Variants in NRDC observed in about 807,000 individuals in gnomAD.
NRDC encodes the protein nardilysin.
Under a neutral mutation model 147.1 loss-of-function variants are expected in NRDC, and 54 were observed. That is an observed-to-expected ratio of 0.37 (90% CI 0.29 to 0.46). NRDC has a LOEUF of 0.46. Ranked by LOEUF, NRDC falls within the 20% of genes least tolerant of loss-of-function variation. NRDC has a pLI of 1.00. For missense variants in NRDC, 1,082 were observed against 1,370.6 expected (o/e 0.79, Z 3.33); for synonymous variants, 440 against 482.1 (o/e 0.91, Z 1.14).
chr1:51,794,939 T>C (rs1678826826), intron 22 of NRDC, 85 bp from the exon 23 acceptor site: 2 of 1,595,736 alleles, frequency 1.3e-6, no homozygotes, highest in Non-Finnish European at 1.7e-6. Context: ...TTCCAATTGC[T>C]TGGGGAGCCC....
Position 51,878,414 on chromosome 1 carries a change from T to C in NRDC, c.202A>G (p.Asn68Asp), listed in dbSNP as rs1254527934. 4 of 1,614,136 alleles carry C rather than the reference T, an allele frequency of 2.5e-6. No individual in the cohort carries two copies. In the Admixed American group the frequency reaches 5.0e-5, roughly 20 times the overall value. The change falls in exon 1 of 31, where the codon AAT becomes GAT. Residue 68 changes from asparagine (N) to aspartate (D), a missense_variant. Asn to Asp is a conservative substitution (Grantham distance 23). Transcript: ENST00000352171. Reference protein sequence around the residue: ...STCSCPDLQPNGQDLGENSRV... With the variant: ...STCSCPDLQPDGQDLGENSRV... ...CTGTTCTCGCCCAGATCCTGTCCAT[T>C]GGGCTGCAGGTCAGGGCAGCTGCAG...
chr1:51,877,330 A>G (rs1683380990), intron 1 of NRDC, among the ~76,000 whole-genome samples: 1 of 152,126 alleles, frequency 6.6e-6, no homozygotes, highest in Admixed American at 6.5e-5. Context: ...AACCTGTTCA[A>G]CGAAGTTATT....
chr1:51,837,352 C>G, intron 2 of NRDC: 1 of 783,326 alleles, frequency 1.3e-6, no homozygotes, highest in East Asian at 3.0e-5. Flanking sequence ...TTCAGAAGAA[C>G]CAAACAGCCT....
In NRDC at chr1:51,850,674, A is replaced by G. The variant is rs572353767; in HGVS notation, c.342-10160T>C. Reference sequence around the variant, plus strand: ...ATAACATCTCAACATCTGTCACTTCAGTTGTTTTTCAGAAACCTGAACTCC... The same window carrying G: ...ATAACATCTCAACATCTGTCACTTCGGTTGTTTTTCAGAAACCTGAACTCC... On this transcript the variant is annotated intron_variant, in intron 1 of 30. Transcript: ENST00000352171. Among the ~76,000 whole-genome samples, 4 of 152,340 alleles carry G rather than the reference A, an allele frequency of 2.6e-5. No individual in the cohort carries two copies. The South Asian group carries it at 8.3e-4, about 32-fold the overall frequency.
chr1:51,801,822 C>G (rs887913694), intron 20 of NRDC, among the ~76,000 whole-genome samples: 2 of 152,020 alleles, frequency 1.3e-5, no homozygotes, highest in Admixed American at 6.5e-5. Flanking sequence ...AGTCTTCGCT[C>G]TATTGCCCAG....
intron 16 of NRDC, 126 bp downstream of exon 16, chr1:51,810,155 T>G: frequency 1.6e-6 from 1 of 617,966 alleles, no homozygotes; most frequent in Non-Finnish European, 2.5e-6. Context: ...GTAATTTTCA[T>G]TTCAAAGTGA....
At chr1:51,859,572 T>C (rs1682427338) in intron 1 of NRDC, among the ~76,000 whole-genome samples, 1 of 152,246 alleles carries the variant, frequency 6.6e-6, no homozygotes, top group African/African-American at 2.4e-5. Context: ...TTCCCATTTC[T>C]GTCTTCTGTC....
At chr1:51,856,571 A>C (rs1682253639) in intron 1 of NRDC, among the ~76,000 whole-genome samples, 3 of 152,158 alleles carry the variant, frequency 2.0e-5, no homozygotes, top group Non-Finnish European at 4.4e-5. Flanking sequence ...AAAGAGATGC[A>C]CAGAGTGAGG....
Position 51,825,328 on chromosome 1 carries a change from C to T in NRDC, c.995G>A (p.Ser332Asn), listed in dbSNP as rs762165088. 1.9e-6 allele frequency: 3 copies of T among 1,598,818 alleles called. No individual in the cohort carries two copies. The highest frequency in any genetic ancestry group is 1.4e-5 in the African/African-American group (1 of 73,924). The change falls in exon 6 of 31, where the codon AGC (serine) becomes AAC (asparagine). Residue 332 changes from serine to asparagine, a missense_variant. Coordinates refer to ENST00000352171, the MANE Select transcript of NRDC (RefSeq NM_001101662.2). ...DANRKEMLFGSLARPGHPMGK... is the reference protein window; with the variant it reads ...DANRKEMLFGNLARPGHPMGK... ...CATAGGATGTCCAGGTCTAGCAAGG[C>T]TTCCAAACAACATTTCCTTTCTGTT...
chr1:51,800,857 C>CT lies in NRDC; in HGVS notation c.2314-175dup. 3 of 619,306 alleles carry CT rather than the reference C, an allele frequency of 4.8e-6. No homozygotes were observed. In the South Asian group the frequency reaches 6.3e-5, roughly 13 times the overall value. 38.4% of individuals were successfully genotyped at this position (619,306 alleles called of 1,614,324 possible). A position where few individuals can be genotyped will look rare whatever the true frequency, so the allele number is the denominator to read the frequency against. ...GTTCGTTTGTTTGTTTGGGTGTTAC[C>CT]TGGAGACAGGATATCACTGGTCACC... On this transcript the variant is annotated intron_variant, in intron 20 of 30. Coordinates refer to ENST00000352171, the MANE Select transcript of NRDC (RefSeq NM_001101662.2).
At chr1:51,864,128 T>C (rs963609495) in intron 1 of NRDC, among the ~76,000 whole-genome samples, 1 of 152,216 alleles carries the variant, frequency 6.6e-6, no homozygotes, top group Non-Finnish European at 1.5e-5. Context: ...TTCTACTGAA[T>C]GCATATCACT....
chr1:51,847,807 G>A (rs1452362336), intron 1 of NRDC, among the ~76,000 whole-genome samples: 7 of 152,228 alleles, frequency 4.6e-5, no homozygotes, highest in East Asian at 3.8e-4. Flanking sequence ...TCCCAGGAAC[G>A]GGCTCCCACA....
At chr1:51,824,425 T>C (rs1485622663) in intron 6 of NRDC, among the ~76,000 whole-genome samples, 1 of 152,030 alleles carries the variant, frequency 6.6e-6, no homozygotes, top group East Asian at 1.9e-4. Flanking sequence ...CGCCCGGCTA[T>C]CTAATTCTTA....
intron 1 of NRDC, among the ~76,000 whole-genome samples, chr1:51,849,747 C>A (rs187085398): frequency 6.6e-6 from 1 of 151,756 alleles, no homozygotes; most frequent in Non-Finnish European, 1.5e-5. Context: ...ACCAGGGAGG[C>A]GGAGCTTGCA....
Position 51,878,689 on chromosome 1 carries a change from G to A in NRDC, c.-74C>T. On this transcript the variant is annotated 5_prime_UTR_variant, in exon 1 of 31. Transcript: ENST00000352171. ...CCTCCGCGTTCTAGAGGCGGTGGCG[G>A]CCGGCCCTGGTGCTGCCGCAGCCGC... The A allele has an allele frequency of 3.7e-6, 5 of 1,365,480 alleles. No individual in the cohort carries two copies. The South Asian group carries it at 4.0e-5, about 11-fold the overall frequency. 84.6% of individuals were successfully genotyped at this position (1,365,480 alleles called of 1,614,324 possible).
At chr1:51,858,937 T>C (rs1172318421) in intron 1 of NRDC, among the ~76,000 whole-genome samples, 1 of 152,242 alleles carries the variant, frequency 6.6e-6, no homozygotes, top group Non-Finnish European at 1.5e-5. Flanking sequence ...AGTCAAACCT[T>C]TGTTTAAGGT....
chr1:51,798,271 A>C lies in NRDC; in HGVS notation c.2582T>G (p.Val861Gly). ...CACTGTGCTTGTGACATTCCCTTGT[A>C]CCAGGCCCTCCACAAAGAGCTGGGA... ...FKSQLFVEGL[V>G]QGNVTSTESM... The change falls in exon 22 of 31, where the codon GTA (valine) becomes GGA (glycine). Residue 861 changes from valine to glycine, a missense_variant. Val to Gly is a moderately radical substitution (Grantham distance 109). Transcript: ENST00000352171. 2.5e-6 allele frequency: 4 copies of C among 1,614,154 alleles called. No individual in the cohort carries two copies. Among genetic ancestry groups the C allele is most frequent in the Non-Finnish European group, 3.4e-6 (4 of 1,180,020 alleles).
Position 51,809,322 on chromosome 1 carries a change from C to T in NRDC, c.1983G>A (p.Lys661=). The change falls in exon 17 of 31, where the codon AAG becomes AAA. Residue 661 remains lysine (K), a synonymous_variant. Transcript: ENST00000352171. ...NPDLHLPAEN[K]YIATDFTLKA... Reference sequence around the variant, plus strand: ...AATTGCTATTTTACTGACCTATGTACTTGTTTTCAGCTGGAAGATGAAGAT... The same window carrying T: ...AATTGCTATTTTACTGACCTATGTATTTGTTTTCAGCTGGAAGATGAAGAT... 3 of 1,612,352 alleles carry T rather than the reference C, an allele frequency of 1.9e-6. No homozygotes were observed. Among genetic ancestry groups the T allele is most frequent in the Non-Finnish European group, 2.5e-6 (3 of 1,178,478 alleles).
chr1:51,806,958 G>C, intron 17 of NRDC, 45 bp from the exon 18 acceptor site: 1 of 1,595,844 alleles, frequency 6.3e-7, no homozygotes, highest in Middle Eastern at 1.7e-4. Context: ...ATTTCAGCAG[G>C]AGCCCCAGTA....
Sources: allele counts gnomAD v4.1 joint callset (sites outside exome capture counted in the v4.1 genomes callset), GRCh38; gene constraint gnomAD v4.1.1; transcripts MANE v1.5; gene names NCBI Gene and HGNC (gene_info 2026-07-23, HGNC 2026-07-21).